Variants in IGF1R observed in about 807,000 individuals in gnomAD.
The protein encoded by IGF1R is insulin-like growth factor 1 receptor.
In IGF1R, 44 loss-of-function variants were observed where a neutral mutation model predicts 144.6. The ratio of observed to expected loss-of-function variants is 0.30; its 90% CI spans 0.24 to 0.39. The LOEUF (loss-of-function observed/expected upper bound fraction) is 0.39. Among genes scored for constraint, IGF1R ranks in the 10% least tolerant of loss-of-function variants. IGF1R has a pLI of 1.00. For missense variants in IGF1R, 1,355 were observed against 1,833.7 expected (o/e 0.74, Z 4.77); for synonymous variants, 795 against 722.8 (o/e 1.10, Z -1.60).
intron 6 of IGF1R, among the ~76,000 whole-genome samples, chr15:98,909,993 T>A (rs1248949247): frequency 1.3e-5 from 2 of 152,040 alleles, no homozygotes; most frequent in Non-Finnish European, 2.9e-5. Context: ...AAAAAGTAAT[T>A]TGTATGATGA....
At chr15:98,679,181 C>G (rs1172731227) in intron 1 of IGF1R, among the ~76,000 whole-genome samples, 2 of 152,210 alleles carry the variant, frequency 1.3e-5, no homozygotes, top group African/African-American at 4.8e-5. Context: ...GTTGGGATTA[C>G]AGGCATGAGC....
chr15:98,894,891 G>A (rs773113093), intron 3 of IGF1R, among the ~76,000 whole-genome samples: 1 of 151,976 alleles, frequency 6.6e-6, no homozygotes, highest in Non-Finnish European at 1.5e-5. Context: ...CCTGGTGATG[G>A]GTGCCTGTAT....
intron 2 of IGF1R, among the ~76,000 whole-genome samples, chr15:98,777,576 C>T (rs1036298018): frequency 2.0e-5 from 3 of 152,216 alleles, no homozygotes; most frequent in Non-Finnish European, 4.4e-5. Context: ...GGGATCTCAG[C>T]ACATCTCAGT....
chr15:98,957,773 C>G lies in IGF1R; in HGVS notation c.*331C>G, dbSNP rs1596494990. 7.4e-6 allele frequency: 3 copies of G among 404,076 alleles called. No individual in the cohort carries two copies. The East Asian group carries it at 1.2e-4, about 17-fold the overall frequency. 25.0% of individuals were successfully genotyped at this position (404,076 alleles called of 1,614,324 possible). ...CTGTCCTTCCCTGTTCTCCCTTTCT[C>G]TCTCCTCTCTGCTTCATAACGGAAA... On this transcript the variant is annotated 3_prime_UTR_variant, in exon 21 of 21. Transcript: ENST00000650285.
At chr15:98,653,917 A>C (rs76682690) in intron 1 of IGF1R, among the ~76,000 whole-genome samples, 2 of 152,354 alleles carry the variant, frequency 1.3e-5, no homozygotes, top group East Asian at 3.9e-4. Context: ...TTTTGTAAGA[A>C]TGTGCTGTAA....
At chr15:98,833,821 C>G (rs2057045681) in intron 2 of IGF1R, among the ~76,000 whole-genome samples, 1 of 152,020 alleles carries the variant, frequency 6.6e-6, no homozygotes, top group South Asian at 2.1e-4. Context: ...TAATTTGGAG[C>G]CAGTAACTTA....
chr15:98,797,552 G>A (rs557918633), intron 2 of IGF1R, among the ~76,000 whole-genome samples: 27 of 152,334 alleles, frequency 1.8e-4, no homozygotes, highest in African/African-American at 5.8e-4. Flanking sequence ...TTGGGGGAGC[G>A]GGGTGGTGTT....
intron 1 of IGF1R, among the ~76,000 whole-genome samples, chr15:98,696,013 C>T (rs1268892804): frequency 7.2e-6 from 1 of 139,464 alleles, no homozygotes; most frequent in Non-Finnish European, 1.5e-5. Context: ...CTAAGACTGC[C>T]TGACTTTTTC....
At chr15:98,925,857 T>G (rs1034713505) in intron 13 of IGF1R, among the ~76,000 whole-genome samples, 1 of 152,068 alleles carries the variant, frequency 6.6e-6, no homozygotes, top group African/African-American at 2.4e-5. Context: ...TGAGCCAAGA[T>G]ATGTCACTGC....
intron 2 of IGF1R, among the ~76,000 whole-genome samples, chr15:98,801,909 G>A (rs1028191240): frequency 2.2e-4 from 34 of 152,296 alleles, no homozygotes; most frequent in African/African-American, 8.2e-4. Context: ...TGCTGTCCGT[G>A]TTTTGGTGTT....
rs943200844 is a variant in IGF1R, at chr15:98,896,919, C to G, written c.1102+14C>G. 6.2e-7 allele frequency: 1 copy of G among 1,613,416 alleles called. No homozygotes were observed. The highest frequency in any genetic ancestry group is 8.5e-7 in the Non-Finnish European group (1 of 1,179,654). ...TCCGACGGGGGAGTAAGTATTCCAT[C>G]CCCCTGGAAAAACGGCTAGATCTCA... On this transcript the variant is annotated intron_variant, in intron 4 of 20. Transcript: ENST00000650285.
At chr15:98,886,757 C>T (rs560018204) in intron 2 of IGF1R, among the ~76,000 whole-genome samples, 77 of 152,258 alleles carry the variant, frequency 5.1e-4, no homozygotes, top group African/African-American at 1.9e-3. Flanking sequence ...TGGTCCTGAA[C>T]ACTAATAATA....
intron 2 of IGF1R, among the ~76,000 whole-genome samples, chr15:98,852,700 G>C (rs1426599235): frequency 6.6e-6 from 1 of 152,178 alleles, no homozygotes; most frequent in East Asian, 1.9e-4. Flanking sequence ...GTGCAGAGTC[G>C]GGGAATCCCT....
chr15:98,682,997 C>T lies in IGF1R; in HGVS notation c.95-24565C>T, dbSNP rs60356156. Among the ~76,000 whole-genome samples the T allele has an allele frequency of 3.2e-3, 479 of 150,846 alleles. 3 individuals carry two copies. The highest frequency in any genetic ancestry group is 0.011 in the African/African-American group (460 of 40,944). On this transcript the variant is annotated intron_variant, in intron 1 of 20. Transcript: ENST00000650285. ...GATGAACCCCTCATATCAGTGACCT[C>T]CCCATGTCACAGTGTATCTCGTGTG...
At chr15:98,862,496 T>C (rs2012212356) in intron 2 of IGF1R, among the ~76,000 whole-genome samples, 1 of 152,200 alleles carries the variant, frequency 6.6e-6, no homozygotes, top group Non-Finnish European at 1.5e-5. Context: ...CTGAATAAAC[T>C]CCAGCAACAG....
chr15:98,775,482 G>A (rs1400605655), intron 2 of IGF1R, among the ~76,000 whole-genome samples: 1 of 152,170 alleles, frequency 6.6e-6, no homozygotes. Context: ...CGTTGCCCTA[G>A]ACACTGTTCT....
At chr15:98,883,547 C>G (rs1339114013) in intron 2 of IGF1R, among the ~76,000 whole-genome samples, 1 of 152,228 alleles carries the variant, frequency 6.6e-6, no homozygotes, top group African/African-American at 2.4e-5. Flanking sequence ...CACCGTCACT[C>G]TCTTCTTCCC....
chr15:98,754,416 T>C (rs763456819), intron 2 of IGF1R, among the ~76,000 whole-genome samples: 11 of 152,110 alleles, frequency 7.2e-5, no homozygotes, highest in Non-Finnish European at 1.3e-4. Context: ...TGCCTGTGAG[T>C]ATTTGAGTGA....
At chr15:98,859,342 A>G (rs1273683711) in intron 2 of IGF1R, among the ~76,000 whole-genome samples, 2 of 152,222 alleles carry the variant, frequency 1.3e-5, no homozygotes, top group Non-Finnish European at 2.9e-5. Context: ...TACCTCACAC[A>G]CTTCGCAGGT....
Sources: gnomAD v4.1 joint callset for allele counts (sites outside exome capture counted in the v4.1 genomes callset) on GRCh38, gnomAD v4.1.1 for gene constraint, MANE v1.5 for transcripts, NCBI Gene and HGNC (gene_info 2026-07-23, HGNC 2026-07-21) for gene names.